The following OXSR1 variants were observed in gnomAD, a reference collection of about 807,000 sequenced individuals.
OXSR1 encodes the protein serine/threonine-protein kinase OSR1.
A neutral mutation model predicts 79.8 loss-of-function variants in OXSR1; 24 were observed. The observed-to-expected ratio is 0.30, with a 90% confidence interval of 0.22 to 0.42. The LOEUF is 0.42. OXSR1 is among the 10% of genes least tolerant of loss of function. OXSR1 has a pLI of 1.00. For missense variants in OXSR1, 430 were observed against 618.4 expected (o/e 0.70, Z 3.23); for synonymous variants, 226 against 209.2 (o/e 1.08, Z -0.69).
intron 11 of OXSR1, among the ~76,000 whole-genome samples, chr3:38,237,334 T>C (rs1702940078): frequency 6.6e-6 from 1 of 152,164 alleles, no homozygotes; most frequent in South Asian, 2.1e-4. Flanking sequence ...GGAGGAATGG[T>C]GTATCTCTTA....
At chr3:38,209,620 G>A (rs1184128703) in intron 4 of OXSR1, among the ~76,000 whole-genome samples, 2 of 150,152 alleles carry the variant, frequency 1.3e-5, no homozygotes, top group African/African-American at 2.5e-5. Context: ...CCTCTCTTAG[G>A]ATATCAATTA....
At chr3:38,210,745 G>C (rs1326735134) in intron 4 of OXSR1, among the ~76,000 whole-genome samples, 1 of 152,184 alleles carries the variant, frequency 6.6e-6, no homozygotes, top group African/African-American at 2.4e-5. Flanking sequence ...TTTGGAGGCA[G>C]GTGTTTGCCC....
intron 4 of OXSR1, among the ~76,000 whole-genome samples, chr3:38,209,572 G>C (rs1435967819): frequency 6.6e-6 from 1 of 151,382 alleles, no homozygotes; most frequent in African/African-American, 2.4e-5. Context: ...CCTCTTCTTT[G>C]GTTTCAATTG....
intron 4 of OXSR1, among the ~76,000 whole-genome samples, chr3:38,199,100 C>T (rs1702116658): frequency 6.6e-6 from 1 of 152,176 alleles, no homozygotes; most frequent in Non-Finnish European, 1.5e-5. Flanking sequence ...TACTTGATAA[C>T]ATTTTGGAAT....
intron 14 of OXSR1, 106 bp downstream of exon 14, chr3:38,247,838 G>A: frequency 1.5e-6 from 1 of 653,086 alleles, no homozygotes; most frequent in South Asian, 2.0e-5. Flanking sequence ...ATGTCCTCCA[G>A]CATCAAGCTC....
chr3:38,164,894 T>C (rs886160155), upstream of OXSR1, among the ~76,000 whole-genome samples: 1 of 151,894 alleles, frequency 6.6e-6, no homozygotes, highest in Admixed American at 6.6e-5. Flanking sequence ...AAACTTCCAG[T>C]TTCACTCCGA....
intron 3 of OXSR1, chr3:38,193,497 C>A (rs1205352739): frequency 1.1e-6 from 1 of 947,378 alleles, no homozygotes; most frequent in Non-Finnish European, 1.5e-6. Flanking sequence ...TGTAATACAA[C>A]ATTTTTAATG....
intron 5 of OXSR1, among the ~76,000 whole-genome samples, chr3:38,217,654 A>G (rs1702509648): frequency 2.0e-5 from 3 of 152,036 alleles, no homozygotes; most frequent in South Asian, 2.1e-4. Context: ...CAGCCTCCCA[A>G]GTAGTTGGGA....
rs34382331 is a variant in OXSR1 at position 38,182,981 on chromosome 3, T to C, written c.71-22T>C. 5,727 of 1,295,418 alleles carry C rather than the reference T, an allele frequency of 4.4e-3. 81 individuals are homozygous for C. Among genetic ancestry groups the C allele is most frequent in the Admixed American group, 0.04 (2,209 of 54,828 alleles). The allele number at this position is 1,295,418 out of a possible 1,614,324, so 80.2% of individuals were successfully genotyped here. ...TTTATATATCCATCTACTTATTTAC[T>C]CTTTTATGTATTTGTTTTTAGGGAG... On this transcript the variant is annotated intron_variant, in intron 1 of 17. Coordinates refer to ENST00000311806, the MANE Select transcript of OXSR1 (RefSeq NM_005109.3).
Position 38,165,547 on chromosome 3 carries a change from T to TGGGGCTGGGGCGGAGGGCGGGACAGA in OXSR1, c.-320_-319insCGGAGGGCGGGACAGAGGGGCTGGGG. 3.2e-6 allele frequency: 1 copy of TGGGGCTGGGGCGGAGGGCGGGACAGA among 309,440 alleles called. No homozygotes were observed. The highest frequency in any genetic ancestry group is 6.0e-6 in the Non-Finnish European group (1 of 166,484). 19.2% of individuals were successfully genotyped at this position (309,440 alleles called of 1,614,324 possible). ...AAGAGGGGAAAGTTTGGCCCGTGCG[T>TGGGGCTGGGGCGGAGGGCGGGACAGA]GGGGCTGGGGTGGAGGGCGGGACAG... is the stretch of plus-strand genomic sequence containing the variant. On this transcript the variant is annotated 5_prime_UTR_variant, in exon 1 of 18. Coordinates refer to ENST00000311806, the MANE Select transcript of OXSR1 (RefSeq NM_005109.3).
At chr3:38,247,149 A>G (rs1575376290) in intron 13 of OXSR1, among the ~76,000 whole-genome samples, 1 of 152,072 alleles carries the variant, frequency 6.6e-6, no homozygotes, top group East Asian at 1.9e-4. Context: ...GAAAAATTAG[A>G]TTCATTTTAT....
At chr3:38,234,772 CA>C (rs1469820316) in intron 10 of OXSR1, among the ~76,000 whole-genome samples, 2 of 152,370 alleles carry the variant, frequency 1.3e-5, no homozygotes, top group Admixed American at 6.5e-5. Flanking sequence ...TAAGTCCACA[CA>C]AAAATGTGTA....
At chr3:38,205,214 C>CT (rs1559511407) in intron 4 of OXSR1, among the ~76,000 whole-genome samples, 1 of 152,182 alleles carries the variant, frequency 6.6e-6, no homozygotes, top group East Asian at 1.9e-4. Flanking sequence ...ATTAGTGTCT[C>CT]TAACAGTGAT....
At chr3:38,185,873 A>T (rs1355525670) in intron 2 of OXSR1, among the ~76,000 whole-genome samples, 1 of 134,930 alleles carries the variant, frequency 7.4e-6, no homozygotes, top group African/African-American at 2.7e-5. Flanking sequence ...TGAGCCCAGG[A>T]TGTTGATGCT....
intron 2 of OXSR1, among the ~76,000 whole-genome samples, chr3:38,188,882 A>G (rs1701933621): frequency 1.3e-5 from 2 of 152,128 alleles, no homozygotes; most frequent in South Asian, 4.1e-4. Context: ...ATTATTCTGT[A>G]TTGTAAAGTA....
chr3:38,211,157 CT>C (rs896490760), intron 4 of OXSR1, among the ~76,000 whole-genome samples: 1 of 152,192 alleles, frequency 6.6e-6, no homozygotes, highest in Admixed American at 6.5e-5. Context: ...AGGCCTAGCA[CT>C]ATTTGGGCTC....
intron 12 of OXSR1, among the ~76,000 whole-genome samples, chr3:38,244,979 A>G (rs1289957888): frequency 2.6e-5 from 4 of 152,232 alleles, no homozygotes; most frequent in East Asian, 1.9e-4. Flanking sequence ...CATCTTTACT[A>G]TAGATAAATG....
intron 10 of OXSR1, chr3:38,230,768 A>G (rs1575359365): frequency 5.1e-6 from 1 of 196,362 alleles, no homozygotes; most frequent in African/African-American, 2.4e-5. Context: ...CCTCTTTGGA[A>G]CTCCAAATTT....
At chr3:38,221,462 A>G in intron 5 of OXSR1, 116 bp from the exon 6 acceptor site, 1 of 597,192 alleles carries the variant, frequency 1.7e-6, no homozygotes, top group Non-Finnish European at 3.0e-6. Context: ...GCAAAAAGAT[A>G]AGAAACTATC....
Sources: allele counts gnomAD v4.1 joint callset (sites outside exome capture counted in the v4.1 genomes callset), GRCh38; gene constraint gnomAD v4.1.1; transcripts MANE v1.5; gene names NCBI Gene and HGNC (gene_info 2026-07-23, HGNC 2026-07-21).